The following PTPRT variants were observed in gnomAD, a reference collection of about 807,000 sequenced individuals.
PTPRT encodes the protein receptor-type tyrosine-protein phosphatase T.
A neutral mutation model predicts 176.8 loss-of-function variants in PTPRT; 56 were observed. The ratio of observed to expected loss-of-function variants is 0.32; its 90% confidence interval spans 0.26 to 0.40. The LOEUF (loss-of-function observed/expected upper bound fraction) is 0.40, where lower values mean the gene tolerates loss of function less well. Among genes scored for constraint, PTPRT ranks in the 10% least tolerant of loss-of-function variants. PTPRT has a pLI of 1.00. For missense variants in PTPRT, 1,540 were observed against 1,908.2 expected (o/e 0.81, Z 3.60); for synonymous variants, 783 against 739.0 (o/e 1.06, Z -0.96).
At position 42,648,369 on chromosome 20, in the gene PTPRT, G is replaced by A. The variant is rs116010305; in HGVS notation, c.1153+29497C>T. 5.7e-3 allele frequency among the ~76,000 whole-genome samples: 864 copies of A among 152,184 alleles called. 10 individuals are homozygous for A. The highest frequency in any genetic ancestry group is 0.041 in the Middle Eastern group (12 of 294). On this transcript the variant is annotated intron_variant, in intron 7 of 30. Coordinates refer to ENST00000373187, the MANE Select transcript of PTPRT (RefSeq NM_007050.6). ...GCTGTCCTCCCAGCAAACCAAGCCCGGCAGAGAGAGAAGCCATCACAGGAA... is the reference window on the plus strand; with the variant it reads ...GCTGTCCTCCCAGCAAACCAAGCCCAGCAGAGAGAGAAGCCATCACAGGAA...
chr20:42,731,425 TTC>T (rs542357409), intron 6 of PTPRT, among the ~76,000 whole-genome samples: 285 of 152,276 alleles, frequency 1.9e-3, no homozygotes, highest in Non-Finnish European at 3.3e-3. Flanking sequence ...ATGGTAGTAT[TTC>T]TCTTTCACAA....
intron 6 of PTPRT, among the ~76,000 whole-genome samples, chr20:42,699,700 T>C (rs1219121679): frequency 1.3e-5 from 2 of 152,152 alleles, no homozygotes; most frequent in Non-Finnish European, 2.9e-5. Context: ...GTCAGTATCA[T>C]GTCTGTGTCT....
At chr20:42,441,122 T>C (rs73908945) in intron 9 of PTPRT, among the ~76,000 whole-genome samples, 9,828 of 152,252 alleles carry the variant, frequency 0.065, 508 homozygotes, top group African/African-American at 0.14. Flanking sequence ...ACAGGACCCA[T>C]ACCCTCACGA....
intron 7 of PTPRT, among the ~76,000 whole-genome samples, chr20:42,522,546 C>T (rs781640734): frequency 8.4e-4 from 128 of 151,982 alleles, no homozygotes; most frequent in Admixed American, 1.4e-3. Flanking sequence ...CTGCAACCTC[C>T]GCCTCCCAGG....
chr20:42,724,825 C>T (rs1379786558), intron 6 of PTPRT, among the ~76,000 whole-genome samples: 1 of 152,172 alleles, frequency 6.6e-6, no homozygotes, highest in East Asian at 1.9e-4. Context: ...ATTGCCACCT[C>T]TCCTCCTTTG....
chr20:42,605,587 C>T (rs2073861978), intron 7 of PTPRT, among the ~76,000 whole-genome samples: 1 of 152,160 alleles, frequency 6.6e-6, no homozygotes, highest in Non-Finnish European at 1.5e-5. Flanking sequence ...TGCTTCATAC[C>T]TTGGAGGAAA....
chr20:42,247,986 T>C (rs1306972037), intron 14 of PTPRT, among the ~76,000 whole-genome samples: 1 of 152,182 alleles, frequency 6.6e-6, no homozygotes, highest in Non-Finnish European at 1.5e-5. Flanking sequence ...GTGTAGTACA[T>C]CTTGGAAATA....
intron 4 of PTPRT, 24 bp from the exon 5 acceptor site, chr20:42,771,574 A>C: frequency 1.9e-6 from 3 of 1,593,700 alleles, no homozygotes; most frequent in Non-Finnish European, 2.6e-6. Context: ...CAAAGAACAC[A>C]AGAGAATGAG....
At chr20:42,276,622 T>G (rs1391435945) in intron 13 of PTPRT, among the ~76,000 whole-genome samples, 1 of 141,670 alleles carries the variant, frequency 7.1e-6, no homozygotes, top group Admixed American at 7.4e-5. Flanking sequence ...AGGGACAGAT[T>G]CGTAGATTTT....
At chr20:42,314,573 T>C (rs528605085) in intron 12 of PTPRT, among the ~76,000 whole-genome samples, 1 of 145,132 alleles carries the variant, frequency 6.9e-6, no homozygotes, top group African/African-American at 2.5e-5. Context: ...AAAAGAAATA[T>C]GAAAATATGA....
intron 1 of PTPRT, among the ~76,000 whole-genome samples, chr20:43,184,664 C>T (rs1479847947): frequency 6.6e-6 from 1 of 151,618 alleles, no homozygotes; most frequent in Non-Finnish European, 1.5e-5. Context: ...TCCAGCCCGG[C>T]GACAGAGCAG....
chr20:42,775,000 TG>T (rs2077114478), intron 4 of PTPRT, among the ~76,000 whole-genome samples: 1 of 152,204 alleles, frequency 6.6e-6, no homozygotes, highest in Non-Finnish European at 1.5e-5. Context: ...TCTGCTGCTC[TG>T]GGAGAGAACT....
intron 1 of PTPRT, among the ~76,000 whole-genome samples, chr20:43,007,377 G>A (rs1185091481): frequency 1.3e-5 from 2 of 152,158 alleles, no homozygotes; most frequent in African/African-American, 2.4e-5. Context: ...AATACAGGCA[G>A]CATCAGATCT....
At chr20:43,013,745 T>A (rs1362521858) in intron 1 of PTPRT, among the ~76,000 whole-genome samples, 1 of 152,148 alleles carries the variant, frequency 6.6e-6, no homozygotes, top group Non-Finnish European at 1.5e-5. Flanking sequence ...GCACCTACTT[T>A]GATACCCTAC....
chr20:42,885,836 T>C lies in PTPRT; in HGVS notation c.185A>G (p.Lys62Arg), dbSNP rs766924754. The change falls in exon 2 of 31, where the codon AAA becomes AGA. Residue 62 changes from lysine (K) to arginine (R), a missense_variant. This residue lies in a region of PTPRT where 116 missense variants were observed against 118.5 expected (regional missense o/e 0.98). Coordinates refer to ENST00000373187, the MANE Select transcript of PTPRT (RefSeq NM_007050.6). Reference sequence around the variant, plus strand: ...GGGCACTGCCTGGTCCAGCATTGGTTTCTCCCATGTGTTAATCTGCTCCCA... The same window carrying C: ...GGGCACTGCCTGGTCCAGCATTGGTCTCTCCCATGTGTTAATCTGCTCCCA... ...FTWEQINTWEKPMLDQAVPTG... is the reference protein window; with the variant it reads ...FTWEQINTWERPMLDQAVPTG... 6 of 1,609,642 alleles carry C rather than the reference T, an allele frequency of 3.7e-6. No individual in the cohort carries two copies. In the East Asian group the frequency reaches 1.1e-4, roughly 30 times the overall value.
intron 8 of PTPRT, among the ~76,000 whole-genome samples, 196 bp from the exon 9 acceptor site, chr20:42,448,525 T>C (rs1016020532): frequency 6.6e-6 from 1 of 152,158 alleles, no homozygotes; most frequent in African/African-American, 2.4e-5. Flanking sequence ...AGATAATCCA[T>C]AAATGAATGA....
At chr20:42,099,830 C>A (rs1456001630) in intron 26 of PTPRT, among the ~76,000 whole-genome samples, 1 of 152,010 alleles carries the variant, frequency 6.6e-6, no homozygotes, top group East Asian at 1.9e-4. Flanking sequence ...GGGGGCCCTT[C>A]TTCCGAGGGC....
At position 42,749,159 on chromosome 20, in the gene PTPRT, C is replaced by T. The variant is rs551784930; in HGVS notation, c.859+7303G>A. Among the ~76,000 whole-genome samples, 215 of 152,250 alleles carry T rather than the reference C, an allele frequency of 1.4e-3. 1 individual carries two copies. The highest frequency in any genetic ancestry group is 1.7e-3 in the Non-Finnish European group (116 of 68,012). On this transcript the variant is annotated intron_variant, in intron 6 of 30. Coordinates refer to ENST00000373187, the MANE Select transcript of PTPRT (RefSeq NM_007050.6). Reference sequence around the variant, plus strand: ...AGAGATCCCACCTTATGAGTGTGCACACTACTATCCATGGCCATGGATAGG... The same window carrying T: ...AGAGATCCCACCTTATGAGTGTGCATACTACTATCCATGGCCATGGATAGG...
intron 1 of PTPRT, among the ~76,000 whole-genome samples, chr20:43,006,881 A>G (rs560868957): frequency 6.6e-6 from 1 of 152,284 alleles, no homozygotes; most frequent in South Asian, 2.1e-4. Flanking sequence ...GGCAGGGTAT[A>G]GTGTGGCAAT....
Sources: allele counts gnomAD v4.1 joint callset (sites outside exome capture counted in the v4.1 genomes callset), GRCh38; gene constraint gnomAD v4.1.1; regional missense constraint gnomAD v4.1.1; transcripts MANE v1.5; gene names NCBI Gene and HGNC (gene_info 2026-07-23, HGNC 2026-07-21).